The following RNF213 variants were observed in gnomAD, a reference collection of about 807,000 sequenced individuals.
RNF213 encodes ring finger protein 213.
Under a neutral mutation model 514.4 loss-of-function variants are expected in RNF213, and 341 were observed. That is an observed-to-expected ratio of 0.66 (90% confidence interval 0.61 to 0.73). The LOEUF is 0.73. Ranked by LOEUF, RNF213 falls within the 30% of genes least tolerant of loss-of-function variation. The pLI is 0.00. For synonymous variants in RNF213, 2,655 were observed against 2,658.2 expected (o/e 1.00, Z 0.04); for missense variants, 5,767 against 6,615.6 (o/e 0.87, Z 4.45).
rs2078326771 is a variant in RNF213 at position 80,346,776 on chromosome 17, C to T, written c.8441C>T (p.Thr2814Ile). The T allele has an allele frequency of 1.9e-6, 3 of 1,613,866 alleles. No homozygotes were observed. Among genetic ancestry groups the T allele is most frequent in the Non-Finnish European group, 2.5e-6 (3 of 1,180,002 alleles). ...LVSFQCSPHS[T>I]PQGIISTFRQ... ...TCCTTCCAGTGCAGCCCGCACTCCA[C>T]CCCACAGGGCATCATCAGCACCTTC... Residue 2814 changes from threonine (T) to isoleucine (I), a missense_variant, in exon 29 of 68, where the codon ACC becomes ATC. Thr to Ile is a moderately conservative substitution (Grantham distance 89). Coordinates refer to ENST00000582970, the MANE Select transcript of RNF213 (RefSeq NM_001256071.3). The surrounding 1 kb of genome is among the most constrained non-coding windows in gnomAD (Gnocchi z 8.1).
intron 36 of RNF213, among the ~76,000 whole-genome samples, chr17:80,356,897 T>C (rs1898005156): frequency 6.7e-6 from 1 of 149,218 alleles, no homozygotes; most frequent in African/African-American, 2.5e-5. Flanking sequence ...GCTTCGCTTT[T>C]CCCCCAACAT....
chr17:80,393,326 C>G lies in RNF213; in HGVS notation c.15471-19C>G, dbSNP rs1568178848. The G allele has an allele frequency of 2.5e-6, 4 of 1,612,612 alleles. No individual in the cohort carries two copies. The highest frequency in any genetic ancestry group is 1.3e-5 in the African/African-American group (1 of 74,846). ...TGCTGAGGAGACTGTTTTAAATGCT[C>G]TCTTCTTTGGTTTTTCAGCCTGAGA... On this transcript the variant is annotated intron_variant, in intron 67 of 67. Transcript: ENST00000582970.
At chr17:80,333,030 T>A (rs1214906563) in intron 21 of RNF213, among the ~76,000 whole-genome samples, 3 of 151,568 alleles carry the variant, frequency 2.0e-5, no homozygotes, top group Non-Finnish European at 4.4e-5. Context: ...TTGTTTCTGT[T>A]AGAGTTAAGA....
chr17:80,375,016 G>A (rs1269268273), intron 50 of RNF213: 1 of 203,802 alleles, frequency 4.9e-6, no homozygotes, highest in Non-Finnish European at 1.0e-5. Context: ...TGTAGTGTGG[G>A]AAGTTAAAAA....
chr17:80,285,414 C>A (rs945494759), intron 3 of RNF213, among the ~76,000 whole-genome samples: 1 of 152,190 alleles, frequency 6.6e-6, no homozygotes, highest in Admixed American at 6.5e-5. Context: ...ACGGCGTCAT[C>A]GCCTCTCCGA....
chr17:80,268,732 A>T (rs2043698680), intron 2 of RNF213, among the ~76,000 whole-genome samples: 1 of 152,054 alleles, frequency 6.6e-6, no homozygotes, highest in Non-Finnish European at 1.5e-5. Context: ...TATCTATCCT[A>T]TCTATCCATC....
Position 80,334,125 on chromosome 17 carries a change from T to A in RNF213, c.4164T>A (p.Phe1388Leu). Residue 1388 changes from phenylalanine to leucine, a missense_variant, in exon 22 of 68, where the codon TTT becomes TTA. Coordinates refer to ENST00000582970, the MANE Select transcript of RNF213 (RefSeq NM_001256071.3). ...LLNFTDNFDDFRRETLDQINQ... is the reference protein window; with the variant it reads ...LLNFTDNFDDLRRETLDQINQ... Reference sequence around the variant, plus strand: ...TGCAGACTGATAACTTCGACGACTTTCGCCGTGAAACACTGGACCAGATCA... The same window carrying A: ...TGCAGACTGATAACTTCGACGACTTACGCCGTGAAACACTGGACCAGATCA... The A allele has an allele frequency of 2.0e-6, 3 of 1,537,208 alleles. No homozygotes were observed. Among genetic ancestry groups the A allele is most frequent in the South Asian group, 1.2e-5 (1 of 84,060 alleles).
At chr17:80,354,894 G>A (rs2078675087) in intron 36 of RNF213, 1 of 404,702 alleles carries the variant, frequency 2.5e-6, no homozygotes, top group South Asian at 2.2e-5. Flanking sequence ...AAGGGCTGCT[G>A]TTTTCAGTCA....
At position 80,395,309 on chromosome 17, in the gene RNF213, A is replaced by G. The variant is rs369546167; in HGVS notation, c.*1811A>G. 1.8e-4 allele frequency: 27 copies of G among 152,290 alleles called. No homozygotes were observed. The East Asian group carries it at 5.2e-3, about 29-fold the overall frequency. 9.4% of individuals were successfully genotyped at this position (152,290 alleles called of 1,614,324 possible). A position where few individuals can be genotyped will look rare whatever the true frequency, so the allele number is the denominator to read the frequency against. ...TAATAAACTGGAGTTTTGCTGCTAAAGAACTCTTCTCTCTGGGGGCAGAGC... is the reference window on the plus strand; with the variant it reads ...TAATAAACTGGAGTTTTGCTGCTAAGGAACTCTTCTCTCTGGGGGCAGAGC... On this transcript the variant is annotated 3_prime_UTR_variant, in exon 68 of 68. Coordinates refer to ENST00000582970, the MANE Select transcript of RNF213 (RefSeq NM_001256071.3).
chr17:80,306,206 T>G (rs757819404), intron 11 of RNF213, 46 bp from the exon 12 acceptor site: 3 of 1,570,706 alleles, frequency 1.9e-6, no homozygotes, highest in South Asian at 1.1e-5. Context: ...TTTCCCTCAC[T>G]GATCTCACTG....
At position 80,380,830 on chromosome 17, in the gene RNF213, G is replaced by C. The variant is rs1222353498; in HGVS notation, c.13641-1G>C. ...GTCTTGTGTTCTCTCGTTCTTTCCA[G>C]AGACAAGGCAGACAGAACGCAGACC... On this transcript the variant is annotated splice_acceptor_variant, in intron 55 of 67. Coordinates refer to ENST00000582970, the MANE Select transcript of RNF213 (RefSeq NM_001256071.3). LOFTEE classifies it high-confidence loss of function. 1 of 1,614,098 alleles carries C rather than the reference G, an allele frequency of 6.2e-7. No individual in the cohort carries two copies. The highest frequency in any genetic ancestry group is 1.3e-5 in the African/African-American group (1 of 74,930).
rs1290958449 is a variant in RNF213 at position 80,393,659 on chromosome 17, C to G, written c.*161C>G. 1.4e-6 allele frequency: 1 copy of G among 717,370 alleles called. No individual in the cohort carries two copies. The highest frequency in any genetic ancestry group is 2.3e-6 in the Non-Finnish European group (1 of 435,736). 44.4% of individuals were successfully genotyped at this position (717,370 alleles called of 1,614,324 possible). ...CAAGGCGTGCTACCTGAGCTGACAG[C>G]TTTTTGAAAGCCGAGCTGTTTCTGA... On this transcript the variant is annotated 3_prime_UTR_variant, in exon 68 of 68. Coordinates refer to ENST00000582970, the MANE Select transcript of RNF213 (RefSeq NM_001256071.3).
chr17:80,364,027 G>T lies in RNF213; in HGVS notation c.11750+237G>T, dbSNP rs76121974. Among the ~76,000 whole-genome samples the T allele has an allele frequency of 7.5e-3, 1,145 of 152,332 alleles. 13 individuals carry two copies. The highest frequency in any genetic ancestry group is 0.026 in the African/African-American group (1,077 of 41,566). On this transcript the variant is annotated intron_variant, in intron 41 of 67. Coordinates refer to ENST00000582970, the MANE Select transcript of RNF213 (RefSeq NM_001256071.3). The stretch of plus-strand genomic sequence containing the variant: ...AGGGAGCGCACTGTGTACTGGGGCC[G>T]TAGAAAGGCAGACGGGCTATTGTGA...
chr17:80,349,857 C>G lies in RNF213; in HGVS notation c.10039C>G (p.Leu3347Val). The G allele has an allele frequency of 6.2e-7, 1 of 1,614,146 alleles. No individual in the cohort carries two copies. The highest frequency in any genetic ancestry group is 8.5e-7 in the Non-Finnish European group (1 of 1,180,028). ...AGGCAGGGCTCCGAAACCCACACTC[C>G]TGTGGCTGCAGCAGTTTGACACCGA... is the stretch of plus-strand genomic sequence containing the variant. ...VTGRAPKPTLLWLQQFDTEYS... is the reference protein window; with the variant it reads ...VTGRAPKPTLVWLQQFDTEYS... The change falls in exon 30 of 68, where the codon CTG becomes GTG. Residue 3347 changes from leucine to valine, a missense_variant. Leu to Val is a conservative substitution (Grantham distance 32, BLOSUM62 1). Transcript: ENST00000582970.
chr17:80,331,555 ATT>A (rs1156859316), intron 20 of RNF213, among the ~76,000 whole-genome samples: 1 of 151,238 alleles, frequency 6.6e-6, no homozygotes, highest in Non-Finnish European at 1.5e-5. Context: ...CGCCTGGCTA[ATT>A]TTTGTATTTT....
At chr17:80,313,254 C>T in intron 15 of RNF213, 87 bp downstream of exon 15, 5 of 1,546,568 alleles carry the variant, frequency 3.2e-6, no homozygotes, top group South Asian at 2.2e-5. Context: ...AGGCTGCTGG[C>T]CAGGGGCAGT....
At chr17:80,311,889 G>A (rs967679965) in intron 14 of RNF213, among the ~76,000 whole-genome samples, 6 of 152,204 alleles carry the variant, frequency 3.9e-5, no homozygotes, top group African/African-American at 1.2e-4. Flanking sequence ...CACTTTGGAA[G>A]GCCAAAGCAG....
At chr17:80,327,752 G>A (rs2046316968) in intron 18 of RNF213, 64 bp from the exon 19 acceptor site, 22 of 1,385,878 alleles carry the variant, frequency 1.6e-5, no homozygotes, top group East Asian at 2.5e-5. Flanking sequence ...GAATTCCCAC[G>A]GTAACGGCAA....
At position 80,337,867 on chromosome 17, in the gene RNF213, C is replaced by T. The variant is rs2078035032; in HGVS notation, c.4703C>T (p.Pro1568Leu). ...GACACGGTTCTGCACTTGATCCTTC[C>T]TGAGAGCCCTGGCAGCCACGAGGAG... ...SPDTVLHLIL[P>L]ESPGSHEESR... The change falls in exon 25 of 68, where the codon CCT becomes CTT. Residue 1568 changes from proline (P) to leucine (L), a missense_variant. By Grantham distance (98) the Pro-to-Leu change is moderately conservative. Transcript: ENST00000582970. The T allele has an allele frequency of 2.6e-6, 4 of 1,537,298 alleles. No homozygotes were observed. The highest frequency in any genetic ancestry group is 3.5e-6 in the Non-Finnish European group (4 of 1,146,922).
Sources: gnomAD v4.1 joint callset for allele counts (sites outside exome capture counted in the v4.1 genomes callset) on GRCh38, gnomAD v4.1.1 for gene constraint, Gnocchi (gnomAD v3.1) non-coding constraint, MANE v1.5 for transcripts, NCBI Gene and HGNC (gene_info 2026-07-23, HGNC 2026-07-21) for gene names.